LRRC9: variants seen among roughly 807,000 people sequenced by gnomAD.
LRRC9 encodes the protein leucine rich repeat containing 9, also known as leucine-rich repeat-containing protein 9.
LRRC9 carries 122 observed loss-of-function variants against 63.2 expected under a neutral mutation model. That is an observed-to-expected ratio of 1.93 (90% CI 1.67 to 2.24). The LOEUF is 2.24. LRRC9 is among the 30% of genes most tolerant of loss of function. The probability of loss-of-function intolerance (pLI) is 0.00; values close to 1 mark genes in which losing one functional copy is unlikely to be tolerated. For missense variants in LRRC9, 1,071 were observed against 627.7 expected, an observed-to-expected ratio of 1.71 and a Z score of -7.55; for synonymous variants, 366 against 213.1, an observed-to-expected ratio of 1.72 and a Z score of -6.25.
At chr14:59,997,387 C>A (rs561762773) in intron 17 of LRRC9, among the ~76,000 whole-genome samples, 54 of 152,142 alleles carry the variant, frequency 3.5e-4, no homozygotes, top group African/African-American at 1.2e-3. Flanking sequence ...TTGACAGTTT[C>A]TTTATGTCTT....
intron 29 of LRRC9, among the ~76,000 whole-genome samples, chr14:60,043,608 TTG>T (rs1157719217): frequency 6.6e-6 from 1 of 152,184 alleles, no homozygotes; most frequent in East Asian, 1.9e-4. Flanking sequence ...TCTGCATATG[TTG>T]AGCCATCCTT....
chr14:60,010,567 T>C (rs1217257717), intron 23 of LRRC9, among the ~76,000 whole-genome samples: 1 of 152,216 alleles, frequency 6.6e-6, no homozygotes, highest in Admixed American at 6.5e-5. Context: ...CGATTTGCAT[T>C]TGGCACCTCG....
In LRRC9 at chr14:59,975,109, A is replaced by ATG. The variant is rs1226956848; in HGVS notation, c.1639+402_1639+403insGT. On this transcript the variant is annotated intron_variant, in intron 13 of 31. Coordinates refer to ENST00000445360, the Ensembl canonical transcript of LRRC9. ...GTAGTGTATATATATATACATATAT[A>ATG]TATGTATATATATATATGTATATAT... Among the ~76,000 whole-genome samples, 5 of 61,232 alleles carry ATG rather than the reference A, an allele frequency of 8.2e-5. 1 individual carries two copies. The highest frequency in any genetic ancestry group is 4.5e-4 in the African/African-American group (5 of 11,046). The allele number at this position is 61,232 out of a possible 152,430, so 40.2% of individuals were successfully genotyped here.
intron 29 of LRRC9, 123 bp downstream of exon 29, chr14:60,032,186 C>A: frequency 1.8e-6 from 1 of 561,036 alleles, no homozygotes; most frequent in Non-Finnish European, 3.2e-6. Context: ...GTCATCCCAG[C>A]CCAAATTTAT....
chr14:59,972,427 G>GAACTCTAAGTAGTTTGTAGA (rs1316484741), intron 12 of LRRC9, among the ~76,000 whole-genome samples: 23 of 152,024 alleles, frequency 1.5e-4, no homozygotes, highest in Non-Finnish European at 2.2e-4. Flanking sequence ...TATGAAATTG[G>GAACTCTAAGTAGTTTGTAGA]AACTCTAAGT....
chr14:60,023,800 C>T (rs1326007643), intron 27 of LRRC9, among the ~76,000 whole-genome samples: 1 of 152,084 alleles, frequency 6.6e-6, no homozygotes, highest in Non-Finnish European at 1.5e-5. Flanking sequence ...TCCCTTGTCC[C>T]CCTACTCCCT....
At chr14:60,061,459 A>G (rs567087579) in intron 31 of LRRC9, among the ~76,000 whole-genome samples, 42 of 152,336 alleles carry the variant, frequency 2.8e-4, no homozygotes, top group Admixed American at 9.1e-4. Flanking sequence ...TTTTAAATTA[A>G]GGTATGTACA....
chr14:59,988,693 T>G (rs1887737364), intron 17 of LRRC9, among the ~76,000 whole-genome samples: 1 of 152,122 alleles, frequency 6.6e-6, no homozygotes, highest in Non-Finnish European at 1.5e-5. Context: ...TATAACTATA[T>G]TGTCACCGCA....
chr14:60,055,858 T>C (rs1325557775), intron 30 of LRRC9, among the ~76,000 whole-genome samples: 1 of 150,188 alleles, frequency 6.7e-6, no homozygotes, highest in African/African-American at 2.5e-5. Context: ...TGAGCCAAGA[T>C]CGTGCCAATG....
rs937731981 is a variant in LRRC9 at position 59,991,665 on chromosome 14, T to G, written c.2212-5991T>G. On this transcript the variant is annotated intron_variant, in intron 17 of 31. Transcript: ENST00000445360. ...TCTTGGCAAACAGCACACCAGGAGA[T>G]TATATCCCGCGCATAGCTCGGAGGG... Among the ~76,000 whole-genome samples, 15 of 152,172 alleles carry G rather than the reference T, an allele frequency of 9.9e-5. 1 individual carries two copies. Among genetic ancestry groups the G allele is most frequent in the Admixed American group, 6.5e-4 (10 of 15,288 alleles).
chr14:59,969,064 G>C (rs1463494163), intron 12 of LRRC9: 2 of 152,080 alleles, frequency 1.3e-5, no homozygotes, highest in Non-Finnish European at 2.9e-5. Context: ...ATTAAGATTT[G>C]CCAAAAAAAG....
At chr14:59,925,685 C>A (rs1240645992) in intron 1 of LRRC9, among the ~76,000 whole-genome samples, 2 of 152,124 alleles carry the variant, frequency 1.3e-5, no homozygotes, top group Non-Finnish European at 2.9e-5. Flanking sequence ...TTCTCAAACT[C>A]CTTTGATTTG....
intron 23 of LRRC9, among the ~76,000 whole-genome samples, chr14:60,009,258 AGAC>A (rs1890059439): frequency 6.6e-6 from 1 of 152,264 alleles, no homozygotes; most frequent in African/African-American, 2.4e-5. Flanking sequence ...GACATACCCA[AGAC>A]TGGGCAATTT....
chr14:59,995,934 G>T (rs1358586131), intron 17 of LRRC9, among the ~76,000 whole-genome samples: 1 of 152,098 alleles, frequency 6.6e-6, no homozygotes, highest in Non-Finnish European at 1.5e-5. Flanking sequence ...GTAGAGATGG[G>T]GTTTCACCAT....
chr14:59,994,619 C>T (rs1184988213), intron 17 of LRRC9, among the ~76,000 whole-genome samples: 1 of 152,092 alleles, frequency 6.6e-6, no homozygotes, highest in African/African-American at 2.4e-5. Context: ...CCCAAATGTC[C>T]AACAATCATA....
chr14:60,016,297 G>C (rs1890681640), intron 23 of LRRC9, among the ~76,000 whole-genome samples: 1 of 152,108 alleles, frequency 6.6e-6, no homozygotes, highest in Non-Finnish European at 1.5e-5. Context: ...CCTCTGAACT[G>C]TGCTCAAGAC....
intron 29 of LRRC9, among the ~76,000 whole-genome samples, chr14:60,034,025 T>C (rs1242215978): frequency 7.0e-6 from 1 of 143,262 alleles, no homozygotes; most frequent in Non-Finnish European, 1.5e-5. Flanking sequence ...CTTTTTTTTT[T>C]TTTTTTTTTT....
At chr14:59,988,140 G>T (rs953935643) in intron 17 of LRRC9, among the ~76,000 whole-genome samples, 2 of 152,084 alleles carry the variant, frequency 1.3e-5, no homozygotes, top group African/African-American at 4.8e-5. Flanking sequence ...TTTGACATTG[G>T]TATAAAAAGA....
chr14:60,037,705 A>G (rs924995150), intron 29 of LRRC9, among the ~76,000 whole-genome samples: 11 of 152,108 alleles, frequency 7.2e-5, no homozygotes, highest in Non-Finnish European at 1.3e-4. Context: ...ATTTCCTCCC[A>G]TTCTGCAGGT....
Sources: gnomAD v4.1 joint callset for allele counts (sites outside exome capture counted in the v4.1 genomes callset) on GRCh38, gnomAD v4.1.1 for gene constraint, MANE v1.5 for transcripts, NCBI Gene and HGNC (gene_info 2026-07-23, HGNC 2026-07-21) for gene names.